The following CHRNA4 variants were observed in gnomAD, a reference collection of about 807,000 sequenced individuals.
The protein encoded by CHRNA4 is cholinergic receptor nicotinic alpha 4 subunit, also known as neuronal acetylcholine receptor subunit alpha-4.
CHRNA4 carries 28 observed loss-of-function variants against 48.9 expected under a neutral mutation model. That is an observed-to-expected ratio of 0.57 (90% CI 0.42 to 0.79). The LOEUF (loss-of-function observed/expected upper bound fraction) is 0.79. CHRNA4 is among the 30% of genes least tolerant of loss of function. CHRNA4 has a pLI of 0.00. For missense variants in CHRNA4, 859 were observed against 898.4 expected (o/e 0.96, Z 0.56); for synonymous variants, 425 against 402.3 (o/e 1.06, Z -0.68).
chr20:63,349,432 C>T (rs1467201650), intron 5 of CHRNA4: 8 of 615,372 alleles, frequency 1.3e-5, no homozygotes, highest in Non-Finnish European at 2.0e-5. Flanking sequence ...GGGATCCACC[C>T]TGTGCCAGCC....
rs2068502585 is a variant in CHRNA4, at chr20:63,346,778, A to C, written c.1844T>G (p.Val615Gly). 2 of 1,612,054 alleles carry C rather than the reference A, an allele frequency of 1.2e-6. No individual in the cohort carries two copies. The highest frequency in any genetic ancestry group is 2.2e-5 in the South Asian group (2 of 91,082). The change falls in exon 6 of 6, where the codon GTG becomes GGG. Residue 615 changes from valine (V) to glycine (G), a missense_variant. This residue lies in a region of CHRNA4 where 478 missense variants were observed against 455.4 expected (regional missense o/e 1.05). Transcript: ENST00000370263. ...CAGCCAGGGCGGCAGGAAGAGGCCCACCGTCCCCAGCAGGCAGACGATGAT... is the reference window on the plus strand; with the variant it reads ...CAGCCAGGGCGGCAGGAAGAGGCCCCCCGTCCCCAGCAGGCAGACGATGAT... ...MFIIVCLLGT[V>G]GLFLPPWLAG...
chr20:63,350,034 C>A lies in CHRNA4; in HGVS notation c.1377G>T (p.Gly459=). The change falls in exon 5 of 6, where the codon GGG becomes GGT. Residue 459 remains glycine (G), a synonymous_variant. Coordinates refer to ENST00000370263, the MANE Select transcript of CHRNA4 (RefSeq NM_000744.7). The part of the protein sequence containing the change: ...CRPPHGTQAP[G]LAKARSLSVQ... Reference sequence around the variant, plus strand: ...CGCTGAGGGACCTGGCTTTGGCCAGCCCTGGTGCCTGGGTGCCGTGGGGCG... The same window carrying A: ...CGCTGAGGGACCTGGCTTTGGCCAGACCTGGTGCCTGGGTGCCGTGGGGCG... The A allele has an allele frequency of 6.6e-7, 1 of 1,519,218 alleles. No homozygotes were observed. The highest frequency in any genetic ancestry group is 8.8e-7 in the Non-Finnish European group (1 of 1,133,398). The allele number at this position is 1,519,218 out of a possible 1,614,324, so 94.1% of individuals were successfully genotyped here. A position where few individuals can be genotyped will look rare whatever the true frequency, so the allele number is the denominator to read the frequency against.
chr20:63,345,529 G>A lies in CHRNA4; in HGVS notation c.*1209C>T. 1 of 413,848 alleles carries A rather than the reference G, an allele frequency of 2.4e-6. No homozygotes were observed. Among genetic ancestry groups the A allele is most frequent in the Non-Finnish European group, 5.0e-6 (1 of 200,834 alleles). The allele number at this position is 413,848 out of a possible 1,614,324, so 25.6% of individuals were successfully genotyped here. On this transcript the variant is annotated 3_prime_UTR_variant, in exon 6 of 6. Coordinates refer to ENST00000370263, the MANE Select transcript of CHRNA4 (RefSeq NM_000744.7). The surrounding 1 kb of genome is among the most constrained non-coding windows in gnomAD (Gnocchi z 5.4). ...AGGGTCATGCCTGGAAACATTTCAGGCCTCCCTCACCTCTGGATACCGCCT... is the reference window on the plus strand; with the variant it reads ...AGGGTCATGCCTGGAAACATTTCAGACCTCCCTCACCTCTGGATACCGCCT...
chr20:63,345,522 A>G lies in CHRNA4; in HGVS notation c.*1216T>C, dbSNP rs1317801579. On this transcript the variant is annotated 3_prime_UTR_variant, in exon 6 of 6. Coordinates refer to ENST00000370263, the MANE Select transcript of CHRNA4 (RefSeq NM_000744.7). The surrounding 1 kb of genome is among the most constrained non-coding windows in gnomAD (Gnocchi z 5.4). ...GGGCTCCAGGGTCATGCCTGGAAAC[A>G]TTTCAGGCCTCCCTCACCTCTGGAT... is the stretch of plus-strand genomic sequence containing the variant. The G allele has an allele frequency of 4.9e-6, 2 of 409,866 alleles. No individual in the cohort carries two copies. Among genetic ancestry groups the G allele is most frequent in the African/African-American group, 4.1e-5 (2 of 49,006 alleles). The allele number at this position is 409,866 out of a possible 1,614,324, so 25.4% of individuals were successfully genotyped here.
chr20:63,359,907 G>GTGTGTGCCGGGCGTGCGCTGTGTA (rs1555840820), intron 1 of CHRNA4: 2 of 432,580 alleles, frequency 4.6e-6, no homozygotes, highest in Non-Finnish European at 4.1e-6. Context: ...CTGTGTGTGT[G>GTGTGTGCCGGGCGTGCGCTGTGTA]TGTGTGTGTG....
At chr20:63,354,790 CG>C in intron 4 of CHRNA4, 1 of 276,206 alleles carries the variant, frequency 3.6e-6, no homozygotes, top group South Asian at 1.4e-4. Flanking sequence ...CAGGCGGATT[CG>C]GTGCATGGTC....
rs1057520889 is a variant in CHRNA4 at position 63,350,346 on chromosome 20, C to T, written c.1065G>A (p.Leu355=). The T allele has an allele frequency of 1.2e-6, 2 of 1,613,422 alleles. No homozygotes were observed. Among genetic ancestry groups the T allele is most frequent in the South Asian group, 2.2e-5 (2 of 91,088 alleles). ...RRVFLDIVPR[L]LLMKRPSVVK... is the part of the protein sequence containing the mutation. ...CCACGGACGGCCGCTTCATGAGGAG[C>T]AGGCGTGGCACGATGTCCAGGAAGA... Residue 355 remains leucine, a synonymous_variant, in exon 5 of 6, where the codon CTG becomes CTA. Transcript: ENST00000370263.
In CHRNA4 at chr20:63,350,852, C is replaced by T; in HGVS notation, c.559G>A (p.Ala187Thr). Reference protein sequence around the residue: ...MKFGSWTYDKAKIDLVNMHSR... With the variant: ...MKFGSWTYDKTKIDLVNMHSR... ...TGCATGTTCACCAGGTCGATCTTGG[C>T]CTTGTCGTAGGTCCAGGAGCCGAAT... The change falls in exon 5 of 6, where the codon GCC becomes ACC. Residue 187 changes from alanine (A) to threonine (T), a missense_variant. Transcript: ENST00000370263. The T allele has an allele frequency of 1.2e-6, 2 of 1,613,948 alleles. No individual in the cohort carries two copies. Among genetic ancestry groups the T allele is most frequent in the Non-Finnish European group, 1.7e-6 (2 of 1,180,008 alleles).
intron 4 of CHRNA4, chr20:63,355,261 G>C: frequency 2.9e-6 from 1 of 349,124 alleles, no homozygotes; most frequent in Admixed American, 3.8e-5. Flanking sequence ...AGCCTCCGGA[G>C]GCCACCATCT....
chr20:63,355,102 CTTTG>C (rs1287989505), intron 4 of CHRNA4, among the ~76,000 whole-genome samples: 1 of 152,138 alleles, frequency 6.6e-6, no homozygotes, highest in Non-Finnish European at 1.5e-5. Context: ...CTTCCATTTG[CTTTG>C]TTTGTGGGAG....
chr20:63,343,246 T>C lies in CHRNA4; in HGVS notation c.*3492A>G, dbSNP rs953498133. 1.2e-5 allele frequency: 5 copies of C among 408,150 alleles called. No individual in the cohort carries two copies. The highest frequency in any genetic ancestry group is 1.0e-4 in the African/African-American group (5 of 48,542). The allele number at this position is 408,150 out of a possible 1,614,324, so 25.3% of individuals were successfully genotyped here. A position where few individuals can be genotyped will look rare whatever the true frequency, so the allele number is the denominator to read the frequency against. On this transcript the variant is annotated 3_prime_UTR_variant, in exon 6 of 6. Transcript: ENST00000370263. The stretch of plus-strand genomic sequence containing the variant: ...CGTGGTGACGGTGCGTTTTATTCAT[T>C]GAAGTCTGTGCACACACTGGGAGCA...
At chr20:63,351,766 C>T (rs905290596) in intron 4 of CHRNA4, among the ~76,000 whole-genome samples, 3 of 152,334 alleles carry the variant, frequency 2.0e-5, no homozygotes, top group East Asian at 1.9e-4. Flanking sequence ...CCTTGGGGGA[C>T]GTGGGTGTTC....
In CHRNA4 at chr20:63,345,570, T is replaced by C; in HGVS notation, c.*1168A>G. ...GATACCGCCTGCAGGGGTGAGGCTG[T>C]GCTGAGCTCTGCCTGCCCTGCCAGG... On this transcript the variant is annotated 3_prime_UTR_variant, in exon 6 of 6. Transcript: ENST00000370263. This position sits in a 1 kb window ranked among gnomAD's most constrained non-coding sequence, Gnocchi z 5.4. 1 of 442,808 alleles carries C rather than the reference T, an allele frequency of 2.3e-6. No individual in the cohort carries two copies. The highest frequency in any genetic ancestry group is 4.6e-6 in the Non-Finnish European group (1 of 217,854). The allele number at this position is 442,808 out of a possible 1,614,324, so 27.4% of individuals were successfully genotyped here. A position where few individuals can be genotyped will look rare whatever the true frequency, so the allele number is the denominator to read the frequency against.
chr20:63,345,530 C>A lies in CHRNA4; in HGVS notation c.*1208G>T. 2.4e-6 allele frequency: 1 copy of A among 413,418 alleles called. No homozygotes were observed. The highest frequency in any genetic ancestry group is 5.0e-6 in the Non-Finnish European group (1 of 200,636). The allele number at this position is 413,418 out of a possible 1,614,324, so 25.6% of individuals were successfully genotyped here. A position where few individuals can be genotyped will look rare whatever the true frequency, so the allele number is the denominator to read the frequency against. On this transcript the variant is annotated 3_prime_UTR_variant, in exon 6 of 6. Transcript: ENST00000370263. The surrounding 1 kb of genome is among the most constrained non-coding windows in gnomAD (Gnocchi z 5.4). The stretch of plus-strand genomic sequence containing the variant: ...GGGTCATGCCTGGAAACATTTCAGG[C>A]CTCCCTCACCTCTGGATACCGCCTG...
chr20:63,360,093 C>A, intron 1 of CHRNA4: 1 of 292,872 alleles, frequency 3.4e-6, no homozygotes, highest in Non-Finnish European at 6.7e-6. Flanking sequence ...CCGAGGACTG[C>A]TTTGGGTCTC....
intron 4 of CHRNA4, chr20:63,355,589 C>T: frequency 7.7e-7 from 1 of 1,303,618 alleles, no homozygotes; most frequent in Non-Finnish European, 1.0e-6. Context: ...AAAGGGCTCT[C>T]CTGCAGCTGT....
In CHRNA4 at chr20:63,343,466, C is replaced by T. The variant is rs200584615; in HGVS notation, c.*3272G>A. Reference sequence around the variant, plus strand: ...AGCCACTTTAGAAATCCGAAGCCGCCTCTGCTCCAGGGGACACCTAACCCA... The same window carrying T: ...AGCCACTTTAGAAATCCGAAGCCGCTTCTGCTCCAGGGGACACCTAACCCA... On this transcript the variant is annotated 3_prime_UTR_variant, in exon 6 of 6. Transcript: ENST00000370263. 2.2e-6 allele frequency: 1 copy of T among 454,170 alleles called. No individual in the cohort carries two copies. Among genetic ancestry groups the T allele is most frequent in the African/African-American group, 2.0e-5 (1 of 50,144 alleles). The allele number at this position is 454,170 out of a possible 1,614,324, so 28.1% of individuals were successfully genotyped here. A position where few individuals can be genotyped will look rare whatever the true frequency, so the allele number is the denominator to read the frequency against.
intron 5 of CHRNA4, among the ~76,000 whole-genome samples, chr20:63,348,513 G>T (rs2068530768): frequency 2.0e-5 from 3 of 152,244 alleles, no homozygotes; most frequent in African/African-American, 7.2e-5. Context: ...CAGCTAGTGG[G>T]GGCAGGCACC....
intron 1 of CHRNA4, chr20:63,360,886 C>T: frequency 2.3e-6 from 1 of 428,752 alleles, no homozygotes; most frequent in Non-Finnish European, 4.1e-6. Context: ...TCCGCATTCG[C>T]CGGCGGTCAA....
Sources: gnomAD v4.1 joint callset for allele counts (sites outside exome capture counted in the v4.1 genomes callset) on GRCh38, gnomAD v4.1.1 for gene constraint, gnomAD v4.1.1 regional missense constraint, Gnocchi (gnomAD v3.1) non-coding constraint, MANE v1.5 for transcripts, NCBI Gene and HGNC (gene_info 2026-07-23, HGNC 2026-07-21) for gene names.